Variants in LRP4 observed in about 807,000 individuals in gnomAD.
LRP4 encodes low-density lipoprotein receptor-related protein 4.
A neutral mutation model predicts 220.3 loss-of-function variants in LRP4; 95 were observed. The ratio of observed to expected loss-of-function variants is 0.43; its 90% CI spans 0.37 to 0.51. The LOEUF is 0.51. LRP4 is among the 20% of genes least tolerant of loss of function. The probability of loss-of-function intolerance (pLI) is 0.00; values close to 1 mark genes in which losing one functional copy is unlikely to be tolerated. For synonymous variants in LRP4, 903 were observed against 954.6 expected (o/e 0.95, Z 1.00); for missense variants, 1,925 against 2,567.0 (o/e 0.75, Z 5.40).
chr11:46,910,212 A>G (rs537600040), intron 1 of LRP4, among the ~76,000 whole-genome samples: 35 of 152,214 alleles, frequency 2.3e-4, no homozygotes, highest in Non-Finnish European at 4.7e-4. Context: ...GCAGAAGAAC[A>G]TAATGTTAAG....
At position 46,899,602 on chromosome 11, in the gene LRP4, G is replaced by C; in HGVS notation, c.431-99C>G. On this transcript the variant is annotated intron_variant, in intron 4 of 37. Transcript: ENST00000378623. This position sits in a 1 kb window ranked among gnomAD's most constrained non-coding sequence, Gnocchi z 5.9. ...CAACCTCACTGGCTTTGGCGGGTCTGACCTAGCCCCCGAAAGGCACCCCAG... is the reference window on the plus strand; with the variant it reads ...CAACCTCACTGGCTTTGGCGGGTCTCACCTAGCCCCCGAAAGGCACCCCAG... 1 of 930,978 alleles carries C rather than the reference G, an allele frequency of 1.1e-6. No homozygotes were observed. Among genetic ancestry groups the C allele is most frequent in the South Asian group, 1.3e-5 (1 of 76,582 alleles). The allele number at this position is 930,978 out of a possible 1,614,324, so 57.7% of individuals were successfully genotyped here. A position where few individuals can be genotyped will look rare whatever the true frequency, so the allele number is the denominator to read the frequency against.
chr11:46,911,608 A>AG lies in LRP4; in HGVS notation c.52+6719_52+6720insC, dbSNP rs60596634. 7.2e-3 allele frequency among the ~76,000 whole-genome samples: 1,009 copies of AG among 139,984 alleles called. 38 individuals carry two copies. Among genetic ancestry groups the AG allele is most frequent in the African/African-American group, 0.021 (760 of 36,416 alleles). The allele number at this position is 139,984 out of a possible 152,430, so 91.8% of individuals were successfully genotyped here. A position where few individuals can be genotyped will look rare whatever the true frequency, so the allele number is the denominator to read the frequency against. ...TGTCTCAAAAAAAAAAAATAAATAA[A>AG]TAAATAAAAATAAAGTCTCTCTCCC... On this transcript the variant is annotated intron_variant, in intron 1 of 37. Transcript: ENST00000378623.
chr11:46,888,383 G>A (rs556383813), intron 16 of LRP4, among the ~76,000 whole-genome samples: 3 of 151,206 alleles, frequency 2.0e-5, no homozygotes, highest in Middle Eastern at 3.4e-3. Flanking sequence ...GAGAAACCCC[G>A]TCCCTACTAA....
intron 33 of LRP4, 92 bp downstream of exon 33, chr11:46,868,508 A>G (rs1234607864): frequency 3.2e-6 from 3 of 937,066 alleles, no homozygotes; most frequent in Non-Finnish European, 5.3e-6. Context: ...GATCCCACCC[A>G]GAAGGACAGA....
Position 46,876,241 on chromosome 11 carries a change from C to G in LRP4, c.3536+225G>C, listed in dbSNP as rs7115038. ...CCGGACCCAAGTGATATAGCTAATA[C>G]ATGATGAAAACATTTCAATCCTGGT... On this transcript the variant is annotated intron_variant, in intron 25 of 37. Transcript: ENST00000378623. Among the ~76,000 whole-genome samples the G allele has an allele frequency of 0.84, 128,289 of 152,174 alleles. 55,157 individuals are homozygous for G. Among genetic ancestry groups the G allele is most frequent in the East Asian group, 1 (5,172 of 5,178 alleles).
At position 46,865,142 on chromosome 11, in the gene LRP4, T is replaced by C. The variant is rs774058346; in HGVS notation, c.5132A>G (p.Asn1711Ser). ...DARLGLCARS[N>S]DAVPAAPGEG... is the part of the protein sequence containing the mutation. ...ACCTGGAGCAGCAGGAACAGCGTCA[T>C]TGGAACGTGCACAGAGGCCCAGCCT... Residue 1711 changes from asparagine (N) to serine (S), a missense_variant, in exon 35 of 38, where the codon AAT becomes AGT. Asn to Ser is a conservative substitution (Grantham distance 46). Around this residue, in one of 3 missense-constraint regions of LRP4, gnomAD observed 1,244 missense variants for 1,624.9 expected, o/e 0.77. Coordinates refer to ENST00000378623, the MANE Select transcript of LRP4 (RefSeq NM_002334.4). 43 of 1,563,044 alleles carry C rather than the reference T, an allele frequency of 2.8e-5. No individual in the cohort carries two copies. Among genetic ancestry groups the C allele is most frequent in the Non-Finnish European group, 3.5e-5 (40 of 1,152,678 alleles).
rs11039013 is a variant in LRP4 at position 46,863,393 on chromosome 11, T to C, written c.5244-646A>G. Among the ~76,000 whole-genome samples the C allele has an allele frequency of 2.0e-5, 3 of 152,230 alleles. No homozygotes were observed. In the East Asian group the frequency reaches 5.8e-4, roughly 29 times the overall value. ...ACTGAGCTTTAGAGTCAGACAGATC[T>C]GTTTCAATTCCACCTCTGTGATTTA... On this transcript the variant is annotated intron_variant, in intron 36 of 37. Coordinates refer to ENST00000378623, the MANE Select transcript of LRP4 (RefSeq NM_002334.4).
chr11:46,904,476 A>AATGCATGG (rs1320532735), intron 1 of LRP4, among the ~76,000 whole-genome samples: 13 of 55,434 alleles, frequency 2.3e-4, no homozygotes, highest in Non-Finnish European at 4.8e-4. Context: ...CCTAGCCTGC[A>AATGCATGG]ATGCATGGAT....
In LRP4 at chr11:46,868,134, G is replaced by T. The variant is rs766494291; in HGVS notation, c.4952-20C>A. The stretch of plus-strand genomic sequence containing the variant: ...CAGGCACTAGACAAAAAAGAGGATT[G>T]GAGTGGGCCACTGGAACCATAAACA... On this transcript the variant is annotated intron_variant, in intron 33 of 37. Coordinates refer to ENST00000378623, the MANE Select transcript of LRP4 (RefSeq NM_002334.4). 15 of 1,613,738 alleles carry T rather than the reference G, an allele frequency of 9.3e-6. No homozygotes were observed. The African/African-American group carries it at 1.9e-4, about 20-fold the overall frequency.
chr11:46,878,274 C>CTTTTTTTTT (rs71042631), intron 22 of LRP4, among the ~76,000 whole-genome samples: 2 of 74,980 alleles, frequency 2.7e-5, no homozygotes, highest in Non-Finnish European at 5.2e-5. Context: ...TTAGAAGTGT[C>CTTTTTTTTT]TTTTTTTTTT....
intron 1 of LRP4, among the ~76,000 whole-genome samples, chr11:46,912,090 G>A (rs1941869559): frequency 6.6e-6 from 1 of 152,148 alleles, no homozygotes; most frequent in Non-Finnish European, 1.5e-5. Flanking sequence ...CTGACGTCAA[G>A]TGATCCACCC....
chr11:46,871,141 T>C (rs987927696), intron 31 of LRP4, among the ~76,000 whole-genome samples: 8 of 152,208 alleles, frequency 5.3e-5, no homozygotes, highest in African/African-American at 1.9e-4. Context: ...TATGCCCAGA[T>C]GCTGGGACCG....
chr11:46,881,941 G>C (rs1411734952), intron 19 of LRP4, 38 bp from the exon 20 acceptor site: 1 of 1,603,110 alleles, frequency 6.2e-7, no homozygotes, highest in African/African-American at 1.3e-5. Flanking sequence ...TTACAAGCTA[G>C]TTAATATCCA....
rs761164367 is a variant in LRP4, at chr11:46,875,141, G to A, written c.3926-38C>T. The A allele has an allele frequency of 5.6e-6, 9 of 1,593,000 alleles. No individual in the cohort carries two copies. The highest frequency in any genetic ancestry group is 7.7e-6 in the Non-Finnish European group (9 of 1,168,734). On this transcript the variant is annotated intron_variant, in intron 27 of 37. Coordinates refer to ENST00000378623, the MANE Select transcript of LRP4 (RefSeq NM_002334.4). This position sits in a 1 kb window ranked among gnomAD's most constrained non-coding sequence, Gnocchi z 4.5. The stretch of plus-strand genomic sequence containing the variant: ...AGCACAAGTATTCACACCTAGCCTG[G>A]AACATCATCTGAATCTTACAAAGGT...
chr11:46,865,033 T>A, intron 35 of LRP4, 86 bp downstream of exon 35: 1 of 1,139,520 alleles, frequency 8.8e-7, no homozygotes, highest in Non-Finnish European at 1.3e-6. Context: ...AACCCCAGAG[T>A]CCCAATGAAG....
chr11:46,909,103 C>T lies in LRP4; in HGVS notation c.53-6174G>A, dbSNP rs111646842. Among the ~76,000 whole-genome samples, 48 of 152,202 alleles carry T rather than the reference C, an allele frequency of 3.2e-4. 1 individual carries two copies. Among genetic ancestry groups the T allele is most frequent in the African/African-American group, 9.9e-4 (41 of 41,526 alleles). ...CACCGATGCACACTCAAGTGTCTAG[C>T]GGCACTGCTCTCCACCATTCCATAG... On this transcript the variant is annotated intron_variant, in intron 1 of 37. Transcript: ENST00000378623.
chr11:46,858,506 C>T lies in LRP4; in HGVS notation c.*477G>A. 1 of 221,994 alleles carries T rather than the reference C, an allele frequency of 4.5e-6. No individual in the cohort carries two copies. The highest frequency in any genetic ancestry group is 9.2e-6 in the Non-Finnish European group (1 of 109,116). The allele number at this position is 221,994 out of a possible 1,614,324, so 13.8% of individuals were successfully genotyped here. Reference sequence around the variant, plus strand: ...CTGGGCTGATTCTTCCTTCTTCTCTCAGCCTCTATCCTTCATCCCTGTCTT... The same window carrying T: ...CTGGGCTGATTCTTCCTTCTTCTCTTAGCCTCTATCCTTCATCCCTGTCTT... On this transcript the variant is annotated 3_prime_UTR_variant, in exon 38 of 38. Transcript: ENST00000378623.
At chr11:46,910,333 A>C (rs1941838237) in intron 1 of LRP4, among the ~76,000 whole-genome samples, 1 of 152,220 alleles carries the variant, frequency 6.6e-6, no homozygotes, top group African/African-American at 2.4e-5. Flanking sequence ...TCATCAGGAA[A>C]ATTGGGATAA....
chr11:46,916,816 C>A (rs1242882533), intron 1 of LRP4, among the ~76,000 whole-genome samples: 3 of 152,204 alleles, frequency 2.0e-5, no homozygotes, highest in Non-Finnish European at 4.4e-5. Context: ...GGGGGAAACC[C>A]CCCAAAAAGC....
Sources: allele counts gnomAD v4.1 joint callset (sites outside exome capture counted in the v4.1 genomes callset), GRCh38; gene constraint gnomAD v4.1.1; regional missense constraint gnomAD v4.1.1; non-coding constraint Gnocchi (gnomAD v3.1); transcripts MANE v1.5; gene names NCBI Gene and HGNC (gene_info 2026-07-23, HGNC 2026-07-21).